The following SPEN variants were observed in gnomAD, a reference collection of about 807,000 sequenced individuals.
SPEN encodes spen family transcriptional repressor.
Under a neutral mutation model 269.9 loss-of-function variants are expected in SPEN, and 18 were observed. The observed-to-expected ratio is 0.07, with a 90% CI of 0.05 to 0.10. SPEN has a LOEUF of 0.10. SPEN is among the 10% of genes least tolerant of loss of function. The pLI, the probability that SPEN is intolerant of heterozygous loss-of-function variation, is 1.00. For synonymous variants in SPEN, 1,726 were observed against 1,765.7 expected, an observed-to-expected ratio of 0.98 and a Z score of 0.56; for missense variants, 3,822 against 4,631.2, an observed-to-expected ratio of 0.83 and a Z score of 5.07.
intron 3 of SPEN, among the ~76,000 whole-genome samples, chr1:15,908,170 G>GCTA (rs112407466): frequency 0.035 from 5,275 of 151,846 alleles, 289 homozygotes; most frequent in African/African-American, 0.12. Flanking sequence ...AGGTAGTAGT[G>GCTA]CTACTACTAC....
At chr1:15,938,073 C>A in intron 13 of SPEN, 67 bp downstream of exon 13, 1 of 1,360,626 alleles carries the variant, frequency 7.3e-7, no homozygotes, top group South Asian at 1.4e-5. Flanking sequence ...GTAGTCCCTG[C>A]CAGCCCATCT....
At chr1:15,912,451 A>G (rs2071020740) in intron 5 of SPEN, among the ~76,000 whole-genome samples, 1 of 152,214 alleles carries the variant, frequency 6.6e-6, no homozygotes, top group East Asian at 1.9e-4. Context: ...TAGGGTAAAC[A>G]TGGCCTGTTA....
chr1:15,850,070 T>C (rs1341820245), intron 1 of SPEN, among the ~76,000 whole-genome samples: 1 of 152,126 alleles, frequency 6.6e-6, no homozygotes, highest in African/African-American at 2.4e-5. Flanking sequence ...CCCAGGCAGC[T>C]TTGGAAGGGT....
At position 15,932,487 on chromosome 1, in the gene SPEN, T is replaced by C; in HGVS notation, c.6247T>C (p.Ser2083Pro). 6.2e-7 allele frequency: 1 copy of C among 1,610,770 alleles called. No homozygotes were observed. The highest frequency in any genetic ancestry group is 8.5e-7 in the Non-Finnish European group (1 of 1,178,664). ...SKSKRGRSRN[S>P]RLAVDKSASL... ...ATCAAAGAGAGGAAGATCTCGAAAC[T>C]CCAGGTTAGCAGTGGACAAATCTGC... Residue 2083 changes from serine to proline, a missense_variant, in exon 11 of 15, where the codon TCC becomes CCC. Physicochemically the swap from Ser to Pro is moderately conservative, Grantham distance 74 (BLOSUM62 -1). This residue lies in a region of SPEN where 727 missense variants were observed against 737.9 expected (regional missense o/e 0.99). Coordinates refer to ENST00000375759, the MANE Select transcript of SPEN (RefSeq NM_015001.3). This position sits in a 1 kb window ranked among gnomAD's most constrained non-coding sequence, Gnocchi z 4.2.
At chr1:15,927,964 A>G in intron 10 of SPEN, 127 bp from the exon 11 acceptor site, 1 of 891,232 alleles carries the variant, frequency 1.1e-6, no homozygotes, top group South Asian at 1.9e-5. Flanking sequence ...CAAACTAATC[A>G]TTTCACAAAT....
intron 10 of SPEN, among the ~76,000 whole-genome samples, chr1:15,922,696 C>T (rs894470801): frequency 1.3e-5 from 2 of 152,082 alleles, no homozygotes; most frequent in African/African-American, 4.8e-5. Flanking sequence ...GATCATGGCT[C>T]ACTGCAGTCT....
At chr1:15,898,750 A>T (rs1372765855) in intron 3 of SPEN, among the ~76,000 whole-genome samples, 1 of 151,796 alleles carries the variant, frequency 6.6e-6, no homozygotes, top group East Asian at 1.9e-4. Flanking sequence ...TTTAGTAGAG[A>T]TGGGGTTTCA....
chr1:15,864,575 G>A (rs1289260188), intron 1 of SPEN, among the ~76,000 whole-genome samples: 2 of 147,332 alleles, frequency 1.4e-5, no homozygotes. Context: ...TTTGTGAATG[G>A]AATTTCTAGG....
intron 8 of SPEN, 70 bp downstream of exon 8, chr1:15,919,587 C>A: frequency 1.1e-6 from 1 of 927,784 alleles, no homozygotes; most frequent in Non-Finnish European, 1.6e-6. Flanking sequence ...TCCTTTCAGT[C>A]TCAGTTGGCT....
chr1:15,848,213 T>G lies in SPEN; in HGVS notation c.83+63T>G. On this transcript the variant is annotated intron_variant, in intron 1 of 14. Transcript: ENST00000375759. This position sits in a 1 kb window ranked among gnomAD's most constrained non-coding sequence, Gnocchi z 5.1. ...GGGCGCCGCTTCCCGCCCCGGCCCG[T>G]TGCCGGCCCCTCCCGGAGCGCGGAG... 8.1e-7 allele frequency: 1 copy of G among 1,229,820 alleles called. No homozygotes were observed. The highest frequency in any genetic ancestry group is 1.1e-6 in the Non-Finnish European group (1 of 909,754). 76.2% of individuals were successfully genotyped at this position (1,229,820 alleles called of 1,614,324 possible). A position where few individuals can be genotyped will look rare whatever the true frequency, so the allele number is the denominator to read the frequency against.
rs768779200 is a variant in SPEN at position 15,934,908 on chromosome 1, G to A, written c.8668G>A (p.Ala2890Thr). ...CACCCATTCCACGTTGGTACTGACC[G>A]CCCAGACATATAATGCCTCTCCTGT... ...VATHSTLVLT[A>T]QTYNASPVIS... Residue 2890 changes from alanine to threonine, a missense_variant, in exon 11 of 15, where the codon GCC (alanine) becomes ACC (threonine). This residue lies in a region of SPEN where 329 missense variants were observed against 431.2 expected (regional missense o/e 0.76). Transcript: ENST00000375759. The surrounding 1 kb of genome is among the most constrained non-coding windows in gnomAD (Gnocchi z 9.2). 1.5e-5 allele frequency: 25 copies of A among 1,614,038 alleles called. No individual in the cohort carries two copies. The highest frequency in any genetic ancestry group is 4.5e-5 in the East Asian group (2 of 44,866).
intron 3 of SPEN, among the ~76,000 whole-genome samples, chr1:15,907,552 G>A (rs891576957): frequency 6.6e-6 from 1 of 152,124 alleles, no homozygotes; most frequent in Non-Finnish European, 1.5e-5. Flanking sequence ...ATTAGTGATT[G>A]TCCTGAATAT....
intron 1 of SPEN, among the ~76,000 whole-genome samples, chr1:15,851,470 A>G (rs2070334305): frequency 1.3e-5 from 2 of 152,190 alleles, no homozygotes; most frequent in African/African-American, 2.4e-5. Context: ...GAGTTATACA[A>G]TTGGTTCCTG....
At chr1:15,853,778 C>G (rs917629549) in intron 1 of SPEN, among the ~76,000 whole-genome samples, 1 of 151,978 alleles carries the variant, frequency 6.6e-6, no homozygotes, top group East Asian at 1.9e-4. Flanking sequence ...AAGTGATTCT[C>G]CCGCTTTAGC....
At chr1:15,923,717 T>C (rs550446680) in intron 10 of SPEN, among the ~76,000 whole-genome samples, 20 of 151,880 alleles carry the variant, frequency 1.3e-4, no homozygotes, top group Non-Finnish European at 2.9e-4. Flanking sequence ...TGGTCTAGGC[T>C]AGAGTGCAGT....
rs2071285287 is a variant in SPEN at position 15,937,276 on chromosome 1, A to G, written c.10140A>G (p.Pro3380=). ...PPSQLGQPGQ[P]PSSKMPQVSQ... ...CCCAGCTCGGTCAGCCCGGCCAGCC[A>G]CCAAGCAGCAAGATGCCTCAAGTGT... The change falls in exon 12 of 15, where the codon CCA becomes CCG. Residue 3380 remains proline, a synonymous_variant. Coordinates refer to ENST00000375759, the MANE Select transcript of SPEN (RefSeq NM_015001.3). The surrounding 1 kb of genome is among the most constrained non-coding windows in gnomAD (Gnocchi z 5.7). The G allele has an allele frequency of 3.7e-6, 6 of 1,613,520 alleles. No homozygotes were observed. The East Asian group carries it at 1.3e-4, about 36-fold the overall frequency.
At chr1:15,853,925 A>G (rs545721116) in intron 1 of SPEN, among the ~76,000 whole-genome samples, 5 of 152,102 alleles carry the variant, frequency 3.3e-5, no homozygotes, top group African/African-American at 9.6e-5. Flanking sequence ...TCGGCCTCCC[A>G]AAGTGCTGGG....
intron 1 of SPEN, among the ~76,000 whole-genome samples, chr1:15,860,876 A>G (rs1254095228): frequency 1.3e-5 from 2 of 151,854 alleles, no homozygotes; most frequent in Non-Finnish European, 2.9e-5. Context: ...CCAGGATTAC[A>G]GGAGTGAGCC....
intron 5 of SPEN, among the ~76,000 whole-genome samples, chr1:15,914,852 G>A (rs764728870): frequency 3.9e-5 from 6 of 152,010 alleles, no homozygotes; most frequent in South Asian, 2.1e-4. Flanking sequence ...AGAAGAAGCC[G>A]TAACAATCAT....
Sources: allele counts gnomAD v4.1 joint callset (sites outside exome capture counted in the v4.1 genomes callset), GRCh38; gene constraint gnomAD v4.1.1; regional missense constraint gnomAD v4.1.1; non-coding constraint Gnocchi (gnomAD v3.1); transcripts MANE v1.5; gene names NCBI Gene and HGNC (gene_info 2026-07-23, HGNC 2026-07-21).